The following AGMO variants were observed in gnomAD, a reference collection of about 807,000 sequenced individuals.
AGMO encodes the protein glyceryl-ether monooxygenase.
AGMO carries 75 observed loss-of-function variants against 60.2 expected under a neutral mutation model. That is an observed-to-expected ratio of 1.25 (90% CI 1.03 to 1.51). The LOEUF is 1.51. AGMO is among the 40% of genes most tolerant of loss of function. The probability of loss-of-function intolerance (pLI) is 0.00; values close to 1 mark genes in which losing one functional copy is unlikely to be tolerated. For missense variants in AGMO, 763 were observed against 525.5 expected (o/e 1.45, Z -4.42); for synonymous variants, 261 against 177.1 (o/e 1.47, Z -3.76).
At chr7:15,424,645 T>G (rs1347973335) in intron 4 of AGMO, among the ~76,000 whole-genome samples, 2 of 152,346 alleles carry the variant, frequency 1.3e-5, no homozygotes, top group Non-Finnish European at 1.5e-5. Context: ...CTAGCAATGA[T>G]TCAAACTATC....
the AGMO span, among the ~76,000 whole-genome samples, chr7:15,164,949 A>G: frequency 3.3e-5 from 5 of 152,186 alleles, no homozygotes; most frequent in South Asian, 2.1e-4. Flanking sequence ...TGTGTATCAC[A>G]GCACTATTCA....
At chr7:15,519,914 C>A (rs886158046) in intron 3 of AGMO, among the ~76,000 whole-genome samples, 2 of 150,258 alleles carry the variant, frequency 1.3e-5, no homozygotes, top group South Asian at 4.2e-4. Context: ...GGAGACCCAC[C>A]TCACTTGCAA....
intron 3 of AGMO, among the ~76,000 whole-genome samples, chr7:15,447,660 C>A (rs1781735719): frequency 6.6e-6 from 1 of 152,092 alleles, no homozygotes; most frequent in East Asian, 1.9e-4. Context: ...AAGTGATTCT[C>A]CTGCCTGAGC....
At chr7:15,531,620 C>CTATATATATATTCTATATATATTT (rs1784365817) in intron 3 of AGMO, among the ~76,000 whole-genome samples, 2 of 120,040 alleles carry the variant, frequency 1.7e-5, no homozygotes, top group South Asian at 4.8e-4. Flanking sequence ...TATGTATATT[C>CTATATATATATTCTATATATATTT]TATATATATA....
In AGMO at chr7:15,561,789, C is replaced by A. The variant is rs553604385; in HGVS notation, c.57G>T (p.Leu19Phe). 5 of 1,609,810 alleles carry A rather than the reference C, an allele frequency of 3.1e-6. No homozygotes were observed. The South Asian group carries it at 5.5e-5, about 18-fold the overall frequency. The change falls in exon 1 of 13, where the codon TTG (leucine) becomes TTT (phenylalanine). Residue 19 changes from leucine to phenylalanine, a missense_variant. Transcript: ENST00000342526. ...DVSVSQGFRM[L>F]FYTMKPSETS... Reference sequence around the variant, plus strand: ...TTTCACTGGGTTTCATCGTGTAAAACAACATGCGAAATCCCTGGGAAACTG... The same window carrying A: ...TTTCACTGGGTTTCATCGTGTAAAAAAACATGCGAAATCCCTGGGAAACTG...
At chr7:15,348,443 A>G (rs868047918) in intron 12 of AGMO, among the ~76,000 whole-genome samples, 2 of 152,112 alleles carry the variant, frequency 1.3e-5, no homozygotes, top group African/African-American at 4.8e-5. Flanking sequence ...AAATGATTTC[A>G]GGATCAAATG....
chr7:15,238,353 G>A (rs1044346231), intron 12 of AGMO, among the ~76,000 whole-genome samples: 4 of 151,634 alleles, frequency 2.6e-5, no homozygotes, highest in African/African-American at 7.3e-5. Flanking sequence ...AAAAGTTCCA[G>A]GTGAAAATTA....
chr7:15,468,277 C>T (rs1016164769), intron 3 of AGMO, among the ~76,000 whole-genome samples: 3 of 152,076 alleles, frequency 2.0e-5, no homozygotes, highest in Non-Finnish European at 2.9e-5. Context: ...TACTTTTCTC[C>T]TGGATGATGA....
Position 15,335,261 on chromosome 7 carries a change from TGAATAG to T in AGMO, c.1263+30247_1263+30252del, listed in dbSNP as rs199955853. 6.3e-3 allele frequency among the ~76,000 whole-genome samples: 958 copies of T among 152,272 alleles called. 13 individuals are homozygous for T. Among genetic ancestry groups the T allele is most frequent in the African/African-American group, 0.022 (908 of 41,560 alleles). Reference sequence around the variant, plus strand: ...AATTCATGCATTTAGCTATTGTTAATGAATAGGAAGTTTTCTGTAAATTTATGAAAA... The same window carrying T: ...AATTCATGCATTTAGCTATTGTTAATGAAGTTTTCTGTAAATTTATGAAAA... On this transcript the variant is annotated intron_variant, in intron 12 of 12. Coordinates refer to ENST00000342526, the MANE Select transcript of AGMO (RefSeq NM_001004320.2).
At chr7:15,394,010 G>A (rs1459672710) in intron 6 of AGMO, 103 bp downstream of exon 6, 2 of 660,522 alleles carry the variant, frequency 3.0e-6, no homozygotes, top group South Asian at 1.5e-5. Context: ...TGTAAAATGT[G>A]TGCTGACTAT....
chr7:15,127,453 T>C, the AGMO span, among the ~76,000 whole-genome samples: 1 of 152,088 alleles, frequency 6.6e-6, no homozygotes, highest in African/African-American at 2.4e-5. Context: ...TTATCTAGTA[T>C]ATGTTGACAG....
intron 10 of AGMO, among the ~76,000 whole-genome samples, chr7:15,369,602 G>T (rs1022249904): frequency 1.3e-5 from 2 of 151,966 alleles, no homozygotes; most frequent in South Asian, 2.1e-4. Context: ...ACACAAAATA[G>T]TACTTCTCCA....
intron 3 of AGMO, among the ~76,000 whole-genome samples, chr7:15,455,301 T>G (rs1046360647): frequency 1.3e-5 from 2 of 152,264 alleles, no homozygotes; most frequent in East Asian, 3.9e-4. Flanking sequence ...CTATCATTAG[T>G]TTATTCCCAA....
intron 12 of AGMO, among the ~76,000 whole-genome samples, chr7:15,290,032 A>ATTTTT (rs34390987): frequency 8.6e-6 from 1 of 116,236 alleles, no homozygotes; most frequent in Non-Finnish European, 1.8e-5. Context: ...CCTTAAGTTG[A>ATTTTT]TTTTTTTTTT....
rs180808100 is a variant in AGMO at position 15,357,275 on chromosome 7, C to T, written c.1263+8239G>A. 3.7e-3 allele frequency among the ~76,000 whole-genome samples: 558 copies of T among 150,402 alleles called. 3 individuals carry two copies. Among genetic ancestry groups the T allele is most frequent in the Middle Eastern group, 0.01 (3 of 294 alleles). ...CGTATATAGCAGACTAGCATACTTA[C>T]CATGAAACATTGTTGAGGACAGTCT... On this transcript the variant is annotated intron_variant, in intron 12 of 12. Coordinates refer to ENST00000342526, the MANE Select transcript of AGMO (RefSeq NM_001004320.2).
At chr7:15,131,913 C>A in the AGMO span, among the ~76,000 whole-genome samples, 10 of 152,108 alleles carry the variant, frequency 6.6e-5, no homozygotes, top group African/African-American at 2.2e-4. Context: ...AAGGCAACCC[C>A]ACAGAGAAGG....
intron 3 of AGMO, among the ~76,000 whole-genome samples, chr7:15,494,610 T>C (rs1021145138): frequency 6.6e-6 from 1 of 152,204 alleles, no homozygotes. Context: ...AGCACTGTGG[T>C]TGGAGCTTTA....
chr7:15,397,824 G>C (rs999569517), intron 5 of AGMO, among the ~76,000 whole-genome samples: 8 of 152,138 alleles, frequency 5.3e-5, no homozygotes, highest in African/African-American at 1.4e-4. Context: ...TCTTATAAAA[G>C]AATACACTCC....
chr7:15,393,346 T>C (rs1246540286), intron 6 of AGMO, among the ~76,000 whole-genome samples: 1 of 152,248 alleles, frequency 6.6e-6, no homozygotes, highest in Non-Finnish European at 1.5e-5. Context: ...GTATTCATTT[T>C]ACTGGCTTCC....
Sources: gnomAD v4.1 joint callset for allele counts (sites outside exome capture counted in the v4.1 genomes callset) on GRCh38, gnomAD v4.1.1 for gene constraint, MANE v1.5 for transcripts, NCBI Gene and HGNC (gene_info 2026-07-23, HGNC 2026-07-21) for gene names.